GMDS: variants seen among roughly 807,000 people sequenced by gnomAD.
The protein encoded by GMDS is GDP-mannose 4,6-dehydratase, also known as GDP-mannose 4,6 dehydratase.
Under a neutral mutation model 49.9 loss-of-function variants are expected in GMDS, and 20 were observed. That is an observed-to-expected ratio of 0.40 (90% CI 0.28 to 0.58). The LOEUF is 0.58. GMDS is among the 20% of genes least tolerant of loss of function. The probability of loss-of-function intolerance (pLI) is 0.42; values close to 1 mark genes in which losing one functional copy is unlikely to be tolerated. For synonymous variants in GMDS, 177 were observed against 178.6 expected, an observed-to-expected ratio of 0.99 and a Z score of 0.07; for missense variants, 362 against 481.4, an observed-to-expected ratio of 0.75 and a Z score of 2.32.
chr6:1,766,775 T>A lies in GMDS; in HGVS notation c.772-24189A>T, dbSNP rs1360292659. 2.0e-5 allele frequency among the ~76,000 whole-genome samples: 3 copies of A among 152,230 alleles called. No individual in the cohort carries two copies. Among genetic ancestry groups the A allele is most frequent in the South Asian group, 2.1e-4 (1 of 4,838 alleles). ...ACATCGAACATGCTAAAAACTGCGT[T>A]ATGTTTTTTAAAAACCCAACAAACT... On this transcript the variant is annotated intron_variant, in intron 7 of 10. Transcript: ENST00000380815. This position sits in a 1 kb window ranked among gnomAD's most constrained non-coding sequence, Gnocchi z 4.5.
At chr6:1,832,703 G>A (rs1756718774) in intron 7 of GMDS, among the ~76,000 whole-genome samples, 2 of 152,176 alleles carry the variant, frequency 1.3e-5, no homozygotes, top group South Asian at 2.1e-4. Context: ...TAGCTTGACT[G>A]CAAAGCTCTT....
At chr6:2,161,410 G>A (rs142279278) in intron 1 of GMDS, among the ~76,000 whole-genome samples, 4 of 152,218 alleles carry the variant, frequency 2.6e-5, no homozygotes, top group East Asian at 1.9e-4. Context: ...CAAATGACAC[G>A]ACTGACCACA....
rs116374193 is a variant in GMDS, at chr6:2,142,683, G to A, written c.103-17952C>T. Among the ~76,000 whole-genome samples the A allele has an allele frequency of 2.7e-3, 407 of 152,266 alleles. 1 individual carries two copies. The highest frequency in any genetic ancestry group is 5.0e-3 in the Non-Finnish European group (337 of 68,014). ...CAGTTGCTTGAACCACCCAGTCTGT[G>A]GTACTTTGTTATGGCAGCCCTAGTG... On this transcript the variant is annotated intron_variant, in intron 1 of 10. Coordinates refer to ENST00000380815, the MANE Select transcript of GMDS (RefSeq NM_001500.4).
chr6:2,141,235 G>T (rs914842941), intron 1 of GMDS, among the ~76,000 whole-genome samples: 9 of 152,130 alleles, frequency 5.9e-5, no homozygotes, highest in Admixed American at 2.6e-4. Context: ...AGAAGCACCT[G>T]GCCAGTATGG....
intron 6 of GMDS, among the ~76,000 whole-genome samples, chr6:1,946,212 T>C (rs186723171): frequency 2.0e-5 from 3 of 152,236 alleles, no homozygotes; most frequent in Admixed American, 1.3e-4. Flanking sequence ...GCAGCTAATG[T>C]AACTGGAAAA....
At chr6:1,913,559 G>T (rs1415367088) in intron 7 of GMDS, among the ~76,000 whole-genome samples, 1 of 152,192 alleles carries the variant, frequency 6.6e-6, no homozygotes, top group East Asian at 1.9e-4. Context: ...TGTTTTAAAA[G>T]ACCATATTCC....
intron 1 of GMDS, among the ~76,000 whole-genome samples, chr6:2,166,171 G>A (rs781366914): frequency 1.3e-5 from 2 of 152,124 alleles, no homozygotes; most frequent in African/African-American, 2.4e-5. Context: ...AACTGAAGAC[G>A]GTCCCCATGC....
At chr6:1,839,124 T>C (rs2113742583) in intron 7 of GMDS, among the ~76,000 whole-genome samples, 1 of 152,238 alleles carries the variant, frequency 6.6e-6, no homozygotes, top group South Asian at 2.1e-4. Context: ...TTGGTAATTA[T>C]TAATCACAGA....
rs373726019 is a variant in GMDS, at chr6:2,172,571, T to G, written c.103-47840A>C. Among the ~76,000 whole-genome samples the G allele has an allele frequency of 3.3e-5, 5 of 152,190 alleles. No individual in the cohort carries two copies. The East Asian group carries it at 5.8e-4, about 18-fold the overall frequency. On this transcript the variant is annotated intron_variant, in intron 1 of 10. Coordinates refer to ENST00000380815, the MANE Select transcript of GMDS (RefSeq NM_001500.4). Reference sequence around the variant, plus strand: ...AGCCAGGCATGGTGGTGGGCACCTATAATCCCAGCTACTCGGGAGACTGAG... The same window carrying G: ...AGCCAGGCATGGTGGTGGGCACCTAGAATCCCAGCTACTCGGGAGACTGAG...
intron 8 of GMDS, among the ~76,000 whole-genome samples, chr6:1,731,817 C>T (rs2113456630): frequency 6.6e-6 from 1 of 152,284 alleles, no homozygotes; most frequent in South Asian, 2.1e-4. Flanking sequence ...AGGGTTTGAC[C>T]TTCTGGGCAG....
intron 1 of GMDS, among the ~76,000 whole-genome samples, chr6:2,143,395 C>T (rs1163215736): frequency 6.6e-6 from 1 of 152,194 alleles, no homozygotes; most frequent in Non-Finnish European, 1.5e-5. Flanking sequence ...CCACTGCCAT[C>T]CACTCCCATC....
intron 4 of GMDS, among the ~76,000 whole-genome samples, chr6:2,035,387 A>C (rs1769240503): frequency 6.6e-6 from 1 of 152,178 alleles, no homozygotes; most frequent in African/African-American, 2.4e-5. Context: ...CCAACTCATG[A>C]GTCAGCTCCT....
intron 4 of GMDS, among the ~76,000 whole-genome samples, chr6:2,022,958 GT>G (rs1187969677): frequency 6.6e-6 from 1 of 151,990 alleles, no homozygotes; most frequent in East Asian, 1.9e-4. Flanking sequence ...TAATTAGAGG[GT>G]TTTTTTAATT....
intron 7 of GMDS, among the ~76,000 whole-genome samples, chr6:1,818,704 A>G (rs1770771292): frequency 6.6e-6 from 1 of 151,986 alleles, no homozygotes; most frequent in Non-Finnish European, 1.5e-5. Flanking sequence ...GTATGTATGT[A>G]CATATATACA....
intron 4 of GMDS, among the ~76,000 whole-genome samples, chr6:2,092,057 CA>C (rs1773349964): frequency 6.6e-6 from 1 of 151,960 alleles, no homozygotes; most frequent in Admixed American, 6.6e-5. Flanking sequence ...TAGAAATATA[CA>C]AAAACAATGA....
intron 8 of GMDS, 86 bp downstream of exon 8, chr6:1,742,382 A>T: frequency 1.4e-6 from 1 of 738,058 alleles, no homozygotes; most frequent in African/African-American, 1.7e-5. Context: ...TGAAGGGGGA[A>T]GATGACAGCC....
intron 7 of GMDS, among the ~76,000 whole-genome samples, chr6:1,775,437 G>A (rs751204416): frequency 1.3e-5 from 2 of 152,098 alleles, no homozygotes; most frequent in South Asian, 2.1e-4. Flanking sequence ...TGATTCTTAC[G>A]ATAAAACACT....
intron 1 of GMDS, among the ~76,000 whole-genome samples, chr6:2,232,764 C>T (rs1448829930): frequency 6.6e-6 from 1 of 152,162 alleles, no homozygotes; most frequent in Non-Finnish European, 1.5e-5. Context: ...GCAGCACCAG[C>T]GCCGGTGCAG....
At chr6:1,728,874 T>G (rs1347785860) in intron 8 of GMDS, among the ~76,000 whole-genome samples, 1 of 152,040 alleles carries the variant, frequency 6.6e-6, no homozygotes, top group Non-Finnish European at 1.5e-5. Context: ...TTATTTTTTC[T>G]TCCTTATTAT....
Sources: allele counts gnomAD v4.1 joint callset (sites outside exome capture counted in the v4.1 genomes callset), GRCh38; gene constraint gnomAD v4.1.1; non-coding constraint Gnocchi (gnomAD v3.1); transcripts MANE v1.5; gene names NCBI Gene and HGNC (gene_info 2026-07-23, HGNC 2026-07-21).